C6orf89: variants seen among roughly 807,000 people sequenced by gnomAD.
C6orf89 encodes the protein bombesin receptor-activated protein C6orf89.
C6orf89 carries 29 observed loss-of-function variants against 40.7 expected under a neutral mutation model. That is an observed-to-expected ratio of 0.71 (90% confidence interval 0.53 to 0.97). The LOEUF (loss-of-function observed/expected upper bound fraction) is 0.97, where lower values mean the gene tolerates loss of function less well. Among genes scored for constraint, C6orf89 ranks in the 50% least tolerant of loss-of-function variants. C6orf89 has a pLI of 0.00. For missense variants in C6orf89, 392 were observed against 429.1 expected, an observed-to-expected ratio of 0.91 and a Z score of 0.76; for synonymous variants, 165 against 152.2, an observed-to-expected ratio of 1.08 and a Z score of -0.62.
At chr6:36,885,768 C>T (rs1680940383), upstream of C6orf89, 11 of 375,066 alleles carry the variant, frequency 2.9e-5, no homozygotes, top group Non-Finnish European at 4.7e-5. Context: ...AGAGCCAGAA[C>T]GGAAGAAGGA....
At chr6:36,896,857 G>C (rs1042829142) in intron 2 of C6orf89, among the ~76,000 whole-genome samples, 14 of 152,146 alleles carry the variant, frequency 9.2e-5, no homozygotes, top group African/African-American at 2.6e-4. Flanking sequence ...GACAGGCATG[G>C]TGGCTCACAC....
intron 1 of C6orf89, 29 bp from the exon 2 acceptor site, chr6:36,894,475 A>G (rs1342951436): frequency 1.1e-6 from 1 of 951,666 alleles, no homozygotes; most frequent in Non-Finnish European, 1.3e-6. Context: ...AAAATGTTGT[A>G]ATAAGTTATC....
chr6:36,882,477 C>A (rs1445104448), upstream of C6orf89, among the ~76,000 whole-genome samples: 1 of 152,302 alleles, frequency 6.6e-6, no homozygotes, highest in East Asian at 1.9e-4. Context: ...CATGAAGAAC[C>A]AGGATGGCCA....
chr6:36,923,719 A>T lies in C6orf89; in HGVS notation c.*278A>T, dbSNP rs1738617282. The T allele has an allele frequency of 9.6e-6, 4 of 418,842 alleles. No homozygotes were observed. The Admixed American group carries it at 1.4e-4, about 15-fold the overall frequency. 25.9% of individuals were successfully genotyped at this position (418,842 alleles called of 1,614,324 possible). A position where few individuals can be genotyped will look rare whatever the true frequency, so the allele number is the denominator to read the frequency against. On this transcript the variant is annotated 3_prime_UTR_variant, in exon 9 of 9. Coordinates refer to ENST00000480824, the MANE Select transcript of C6orf89 (RefSeq NM_001286635.2). ...ACTGACCTCTTCCGGGCCTTTGGAC[A>T]CTATGACCTTGATGCTGCCCTTCAG...
At chr6:36,884,206 G>A (rs981218811), upstream of C6orf89, among the ~76,000 whole-genome samples, 1 of 152,186 alleles carries the variant, frequency 6.6e-6, no homozygotes, top group Non-Finnish European at 1.5e-5. This position sits in a 1 kb window ranked among gnomAD's most constrained non-coding sequence, Gnocchi z 4.0. Context: ...AGGTTGTAGT[G>A]AGCTGAGATC....
chr6:36,908,634 CAT>C (rs1374298049), intron 4 of C6orf89, among the ~76,000 whole-genome samples: 1 of 152,112 alleles, frequency 6.6e-6, no homozygotes, highest in Non-Finnish European at 1.5e-5. Flanking sequence ...CAAAAGATCT[CAT>C]ATACATATTT....
chr6:36,909,352 A>G (rs1762040349), intron 4 of C6orf89, among the ~76,000 whole-genome samples: 2 of 152,026 alleles, frequency 1.3e-5, no homozygotes, highest in South Asian at 4.1e-4. Context: ...GTCTTCATAA[A>G]CTTATACCAG....
intron 1 of C6orf89, among the ~76,000 whole-genome samples, chr6:36,874,219 C>T (rs1256814154): frequency 6.6e-6 from 1 of 152,152 alleles, no homozygotes; most frequent in African/African-American, 2.4e-5. Context: ...GGGCATGGCG[C>T]CAGCAGGTTG....
In C6orf89 at chr6:36,902,238, A is replaced by G; in HGVS notation, c.207A>G (p.Gly69=). 1 of 1,614,008 alleles carries G rather than the reference A, an allele frequency of 6.2e-7. No individual in the cohort carries two copies. The change falls in exon 4 of 9, where the codon GGA becomes GGG. Residue 69 remains glycine, a synonymous_variant. Transcript: ENST00000480824. ...IVVYKVLATL[G]LILLTAYFVI... ...CCTTGTAGGTTCTCGCAACCTTGGG[A>G]TTAATCTTGCTCACTGCCTACTTTG...
intron 7 of C6orf89, among the ~76,000 whole-genome samples, chr6:36,916,945 G>A (rs528138998): frequency 5.3e-4 from 80 of 152,292 alleles, no homozygotes; most frequent in African/African-American, 1.7e-3. Flanking sequence ...ATCGGTGGTC[G>A]CTCACGCCTG....
chr6:36,898,478 C>G (rs890806636), intron 2 of C6orf89, among the ~76,000 whole-genome samples: 1 of 151,730 alleles, frequency 6.6e-6, no homozygotes, highest in South Asian at 2.1e-4. Flanking sequence ...GGGGTTTCTC[C>G]GTGTTGGTCA....
At chr6:36,893,667 CATGCCTGTA>C (rs1468407194) in intron 1 of C6orf89, among the ~76,000 whole-genome samples, 1 of 152,136 alleles carries the variant, frequency 6.6e-6, no homozygotes, top group Admixed American at 6.5e-5. Context: ...CGCGGTGGTT[CATGCCTGTA>C]ATCCCAGCAC....
Position 36,902,444 on chromosome 6 carries a change from A to G in C6orf89, c.403+10A>G. ...GACAGACCCTTTCCAGGTAAAATGC[A>G]ACATTTATTACTTATTAGATATAGT... On this transcript the variant is annotated intron_variant, in intron 4 of 8. Transcript: ENST00000480824. The G allele has an allele frequency of 6.2e-7, 1 of 1,608,936 alleles. No homozygotes were observed. The highest frequency in any genetic ancestry group is 8.5e-7 in the Non-Finnish European group (1 of 1,175,318).
upstream of C6orf89, among the ~76,000 whole-genome samples, chr6:36,882,713 CT>C (rs1168220528): frequency 0.072 from 8,273 of 115,274 alleles, 332 homozygotes; most frequent in Middle Eastern, 0.15. Context: ...TTGTCATTTT[CT>C]TTTTTTTTTT....
At chr6:36,923,184 A>C (rs1340992848) in intron 8 of C6orf89, among the ~76,000 whole-genome samples, 163 bp from the exon 9 acceptor site, 1 of 152,200 alleles carries the variant, frequency 6.6e-6, no homozygotes, top group Non-Finnish European at 1.5e-5. Flanking sequence ...TAAAAAAGGA[A>C]AGAAAAAGAA....
chr6:36,882,353 C>T (rs1774836442), upstream of C6orf89, among the ~76,000 whole-genome samples: 1 of 152,158 alleles, frequency 6.6e-6, no homozygotes, highest in Non-Finnish European at 1.5e-5. Context: ...TGAATGAACT[C>T]CATGGTCTAA....
chr6:36,919,025 C>G (rs1762420296), intron 7 of C6orf89, among the ~76,000 whole-genome samples: 1 of 152,182 alleles, frequency 6.6e-6, no homozygotes, highest in South Asian at 2.1e-4. Flanking sequence ...CTTAAACTTG[C>G]TGCTGTACAA....
rs753359478 is a variant in C6orf89, at chr6:36,927,849, A to C, written c.*4408A>C. On this transcript the variant is annotated 3_prime_UTR_variant, in exon 9 of 9. Coordinates refer to ENST00000480824, the MANE Select transcript of C6orf89 (RefSeq NM_001286635.2). ...GCATTTCCCTGTCCTCCCCACCCCC[A>C]GTCTCCACATCCCCAGCAGCCTCTT... 5 of 152,346 alleles carry C rather than the reference A, an allele frequency of 3.3e-5. No homozygotes were observed. The highest frequency in any genetic ancestry group is 1.2e-4 in the African/African-American group (5 of 41,444). The allele number at this position is 152,346 out of a possible 1,614,324, so 9.4% of individuals were successfully genotyped here. A position where few individuals can be genotyped will look rare whatever the true frequency, so the allele number is the denominator to read the frequency against.
intron 4 of C6orf89, among the ~76,000 whole-genome samples, chr6:36,903,149 G>A (rs374004139): frequency 1.3e-5 from 2 of 152,230 alleles, no homozygotes; most frequent in East Asian, 3.9e-4. Flanking sequence ...AATTTGGGAA[G>A]CTGAGGCAAA....
Sources: gnomAD v4.1 joint callset for allele counts (sites outside exome capture counted in the v4.1 genomes callset) on GRCh38, gnomAD v4.1.1 for gene constraint, Gnocchi (gnomAD v3.1) non-coding constraint, MANE v1.5 for transcripts, NCBI Gene and HGNC (gene_info 2026-07-23, HGNC 2026-07-21) for gene names.